The following CCBE1 variants were observed in gnomAD, a reference collection of about 807,000 sequenced individuals.
CCBE1 encodes collagen and calcium binding EGF domains 1, also known as collagen and calcium-binding EGF domain-containing protein 1.
CCBE1 carries 37 observed loss-of-function variants against 50.0 expected under a neutral mutation model. The observed-to-expected ratio is 0.74, with a 90% confidence interval of 0.57 to 0.97. The LOEUF (loss-of-function observed/expected upper bound fraction) is 0.97, where lower values mean the gene tolerates loss of function less well. CCBE1 is among the 50% of genes least tolerant of loss of function. The pLI, the probability that CCBE1 is intolerant of heterozygous loss-of-function variation, is 0.00. For missense variants in CCBE1, 538 were observed against 523.8 expected (o/e 1.03, Z -0.26); for synonymous variants, 234 against 203.7 (o/e 1.15, Z -1.27).
chr18:59,541,963 G>A (rs1237886786), intron 2 of CCBE1, among the ~76,000 whole-genome samples: 2 of 152,124 alleles, frequency 1.3e-5, no homozygotes, highest in Admixed American at 6.5e-5. Context: ...GATAGCTTGA[G>A]CCCAGGAGTT....
intron 2 of CCBE1, among the ~76,000 whole-genome samples, chr18:59,689,242 G>A (rs779474108): frequency 2.4e-4 from 36 of 152,144 alleles, no homozygotes; most frequent in African/African-American, 7.5e-4. Flanking sequence ...GCTGACATCC[G>A]TCCCTGTCAT....
At chr18:59,583,678 T>TGC (rs1379232997) in intron 2 of CCBE1, among the ~76,000 whole-genome samples, 59 of 58,566 alleles carry the variant, frequency 1.0e-3, no homozygotes, top group South Asian at 7.6e-3. Flanking sequence ...TGTGTGTGTG[T>TGC]GTGCGCGCGC....
At chr18:59,673,911 G>A (rs2054466121) in intron 2 of CCBE1, among the ~76,000 whole-genome samples, 1 of 151,984 alleles carries the variant, frequency 6.6e-6, no homozygotes, top group South Asian at 2.1e-4. Flanking sequence ...TTCTTTTTTT[G>A]TTGTGTCTCT....
chr18:59,473,858 C>A (rs967714648), intron 3 of CCBE1, among the ~76,000 whole-genome samples: 14 of 32,610 alleles, frequency 4.3e-4, no homozygotes, highest in Admixed American at 6.0e-4. Context: ...ATTTCCTCCC[C>A]CGACTACTCA....
intron 2 of CCBE1, among the ~76,000 whole-genome samples, chr18:59,629,612 A>G (rs2053827009): frequency 6.6e-6 from 1 of 152,232 alleles, no homozygotes; most frequent in Non-Finnish European, 1.5e-5. Flanking sequence ...ACGGGAAGTT[A>G]TATCATCTCA....
intron 2 of CCBE1, among the ~76,000 whole-genome samples, chr18:59,503,954 G>A (rs984667818): frequency 1.8e-4 from 28 of 152,232 alleles, no homozygotes; most frequent in Admixed American, 3.9e-4. Flanking sequence ...ATTTGTTTAC[G>A]TGTTTGTCTT....
intron 2 of CCBE1, among the ~76,000 whole-genome samples, chr18:59,571,867 C>G (rs556328748): frequency 6.6e-6 from 1 of 152,318 alleles, no homozygotes; most frequent in South Asian, 2.1e-4. Flanking sequence ...ATCTGCAACT[C>G]TAGGGGAGGG....
chr18:59,575,658 A>C (rs1211534846), intron 2 of CCBE1, among the ~76,000 whole-genome samples: 1 of 152,208 alleles, frequency 6.6e-6, no homozygotes, highest in Non-Finnish European at 1.5e-5. Flanking sequence ...GTTCGCTGCA[A>C]AGTTCTCATT....
chr18:59,669,626 C>G (rs1038325783), intron 2 of CCBE1, among the ~76,000 whole-genome samples: 17 of 152,354 alleles, frequency 1.1e-4, no homozygotes, highest in African/African-American at 4.1e-4. Context: ...CCCAGGTCTC[C>G]AGGCTTAGAC....
rs139292963 is a variant in CCBE1, at chr18:59,557,241, C to T, written c.213-77003G>A. Among the ~76,000 whole-genome samples, 79 of 152,302 alleles carry T rather than the reference C, an allele frequency of 5.2e-4. 1 individual carries two copies. The highest frequency in any genetic ancestry group is 3.9e-4 in the Admixed American group (6 of 15,298). On this transcript the variant is annotated intron_variant, in intron 2 of 10. Transcript: ENST00000439986. Reference sequence around the variant, plus strand: ...CTGGCATGGATGCTAGCTTGTCCTCCAGATTTGAGCTCATCCTTGATTTTC... The same window carrying T: ...CTGGCATGGATGCTAGCTTGTCCTCTAGATTTGAGCTCATCCTTGATTTTC...
chr18:59,563,793 G>A (rs1309006363), intron 2 of CCBE1: 1 of 152,212 alleles, frequency 6.6e-6, no homozygotes, highest in Non-Finnish European at 1.5e-5. Context: ...TACCAGAGTT[G>A]TTCGTGATCA....
At chr18:59,640,861 T>C (rs113635630) in intron 2 of CCBE1, among the ~76,000 whole-genome samples, 6 of 152,264 alleles carry the variant, frequency 3.9e-5, no homozygotes, top group African/African-American at 1.4e-4. Context: ...ACAAGACTGA[T>C]GCATGGCCAA....
At chr18:59,457,180 C>A (rs1911234855) in intron 5 of CCBE1, among the ~76,000 whole-genome samples, 1 of 152,180 alleles carries the variant, frequency 6.6e-6, no homozygotes, top group Non-Finnish European at 1.5e-5. Context: ...TTGTTAATGC[C>A]TGCTTTCTAG....
In CCBE1 at chr18:59,565,785, A is replaced by G. The variant is rs554457737; in HGVS notation, c.213-85547T>C. 9.9e-5 allele frequency among the ~76,000 whole-genome samples: 15 copies of G among 151,876 alleles called. No homozygotes were observed. In the East Asian group the frequency reaches 2.7e-3, roughly 27 times the overall value. ...TTTTTTTTCTTTTTTTAAGAACAGT[A>G]CAGATAAACAGCCTGTTCTCTTCTG... On this transcript the variant is annotated intron_variant, in intron 2 of 10. Coordinates refer to ENST00000439986, the MANE Select transcript of CCBE1 (RefSeq NM_133459.4).
Position 59,514,196 on chromosome 18 carries a change from T to C in CCBE1, c.213-33958A>G, listed in dbSNP as rs141954666. Reference sequence around the variant, plus strand: ...ATTACAAAGCCTCATCCCAAACAGTTACGGATCCCATATTACCGATACGAA... The same window carrying C: ...ATTACAAAGCCTCATCCCAAACAGTCACGGATCCCATATTACCGATACGAA... On this transcript the variant is annotated intron_variant, in intron 2 of 10. Transcript: ENST00000439986. Among the ~76,000 whole-genome samples, 485 of 152,290 alleles carry C rather than the reference T, an allele frequency of 3.2e-3. 6 individuals are homozygous for C. Among genetic ancestry groups the C allele is most frequent in the African/African-American group, 0.011 (456 of 41,554 alleles).
chr18:59,610,119 A>G (rs571584475), intron 2 of CCBE1, among the ~76,000 whole-genome samples: 1 of 152,340 alleles, frequency 6.6e-6, no homozygotes, highest in South Asian at 2.1e-4. Context: ...GCTTAAGTTT[A>G]AAAGTAGAGG....
rs60121003 is a variant in CCBE1, at chr18:59,587,746, T to C, written c.213-107508A>G. Among the ~76,000 whole-genome samples the C allele has an allele frequency of 6.7e-3, 1,017 of 152,280 alleles. 14 individuals carry two copies. The highest frequency in any genetic ancestry group is 0.023 in the African/African-American group (966 of 41,564). On this transcript the variant is annotated intron_variant, in intron 2 of 10. Transcript: ENST00000439986. ...AAAGAAATATGAAAGAAAAATAAAA[T>C]TTATCTTAATCACAGATAAGATTAT... is the stretch of plus-strand genomic sequence containing the variant.
At chr18:59,472,769 G>A (rs602355) in intron 3 of CCBE1, among the ~76,000 whole-genome samples, 1 of 151,996 alleles carries the variant, frequency 6.6e-6, no homozygotes. Flanking sequence ...TGCTAATAAA[G>A]ACATAGCTGA....
intron 2 of CCBE1, among the ~76,000 whole-genome samples, chr18:59,551,889 G>A (rs564173326): frequency 9.5e-4 from 145 of 152,252 alleles, no homozygotes; most frequent in African/African-American, 3.3e-3. Flanking sequence ...ATTAGGTATC[G>A]ATTGCTGTGT....
Sources: allele counts gnomAD v4.1 joint callset (sites outside exome capture counted in the v4.1 genomes callset), GRCh38; gene constraint gnomAD v4.1.1; transcripts MANE v1.5; gene names NCBI Gene and HGNC (gene_info 2026-07-23, HGNC 2026-07-21).